Variants in MPP7 observed in about 807,000 individuals in gnomAD.
The protein encoded by MPP7 is MAGUK p55 subfamily member 7.
A neutral mutation model predicts 76.5 loss-of-function variants in MPP7; 60 were observed. The observed-to-expected ratio is 0.78, with a 90% confidence interval of 0.64 to 0.97. MPP7 has a LOEUF of 0.97. Among genes scored for constraint, MPP7 ranks in the 50% least tolerant of loss-of-function variants. The probability of loss-of-function intolerance (pLI) is 0.00; values close to 1 mark genes in which losing one functional copy is unlikely to be tolerated. For synonymous variants in MPP7, 237 were observed against 244.5 expected, an observed-to-expected ratio of 0.97 and a Z score of 0.29; for missense variants, 641 against 694.0, an observed-to-expected ratio of 0.92 and a Z score of 0.86.
intron 1 of MPP7, among the ~76,000 whole-genome samples, chr10:28,287,288 T>C (rs1305908415): frequency 1.3e-5 from 2 of 152,174 alleles, no homozygotes; most frequent in Non-Finnish European, 2.9e-5. Context: ...AAGACGGTAT[T>C]GTGTCCTTAA....
intron 2 of MPP7, among the ~76,000 whole-genome samples, chr10:28,208,616 A>C (rs1448284494): frequency 6.6e-6 from 1 of 152,156 alleles, no homozygotes; most frequent in African/African-American, 2.4e-5. Flanking sequence ...ACACAAGAAT[A>C]AGGAAGAGAT....
chr10:28,294,092 G>A (rs990991523), intron 1 of MPP7, among the ~76,000 whole-genome samples: 37 of 152,328 alleles, frequency 2.4e-4, no homozygotes, highest in Admixed American at 2.6e-4. Flanking sequence ...CGGATCATGA[G>A]ATCAGGAGAT....
chr10:28,147,864 C>G (rs924789886), intron 4 of MPP7, among the ~76,000 whole-genome samples: 2 of 152,144 alleles, frequency 1.3e-5, no homozygotes, highest in African/African-American at 4.8e-5. Flanking sequence ...GTCTTTTGCA[C>G]CTAGACAAAG....
rs200842706 is a variant in MPP7 at position 28,069,637 on chromosome 10, GC to G, written c.1204+134del. The G allele has an allele frequency of 9.9e-3, 4,918 of 494,512 alleles. 355 individuals carry two copies. In the East Asian group the frequency reaches 0.14, roughly 14 times the overall value. The allele number at this position is 494,512 out of a possible 1,614,324, so 30.6% of individuals were successfully genotyped here. ...AAACAAACAAAAAAAAAACTCACAT[GC>G]CCCATAAATACATATACCTACCATG... is the stretch of plus-strand genomic sequence containing the variant. On this transcript the variant is annotated intron_variant, in intron 13 of 16. Transcript: ENST00000683449.
intron 3 of MPP7, among the ~76,000 whole-genome samples, chr10:28,189,507 G>A (rs546263324): frequency 1.4e-5 from 2 of 145,514 alleles, no homozygotes; most frequent in South Asian, 4.3e-4. Context: ...GGAAATCAGG[G>A]CTGCAATGAG....
intron 2 of MPP7, among the ~76,000 whole-genome samples, chr10:28,205,876 G>T (rs992713412): frequency 7.2e-5 from 11 of 152,206 alleles, no homozygotes; most frequent in African/African-American, 2.2e-4. Context: ...GTGGAGGCCA[G>T]TGAGAGGTTA....
intron 1 of MPP7, among the ~76,000 whole-genome samples, chr10:28,293,423 C>T (rs1350070300): frequency 1.3e-5 from 2 of 152,176 alleles, no homozygotes; most frequent in Non-Finnish European, 2.9e-5. Context: ...GAAAATGCCA[C>T]ATGCCAGCAA....
intron 1 of MPP7, among the ~76,000 whole-genome samples, chr10:28,239,951 G>C (rs1839211077): frequency 6.6e-6 from 1 of 152,048 alleles, no homozygotes; most frequent in South Asian, 2.1e-4. Flanking sequence ...ATGGTTGTTA[G>C]GGTTTTTTTT....
At chr10:28,308,094 G>A (rs1841269287) in intron 2 of MPP7, among the ~76,000 whole-genome samples, 1 of 152,162 alleles carries the variant, frequency 6.6e-6, no homozygotes, top group South Asian at 2.1e-4. Flanking sequence ...CTGTTGCAGG[G>A]GAAGAAGGGA....
chr10:28,327,594 A>G (rs2133189947), intron 2 of MPP7, among the ~76,000 whole-genome samples: 1 of 152,286 alleles, frequency 6.6e-6, no homozygotes, highest in East Asian at 1.9e-4. Flanking sequence ...TTATTTATTT[A>G]TTTTACAGAA....
chr10:28,296,666 A>C (rs953925875), intron 1 of MPP7, among the ~76,000 whole-genome samples: 2 of 152,248 alleles, frequency 1.3e-5, no homozygotes, highest in Admixed American at 1.3e-4. Context: ...AAATTCACAG[A>C]GAAAAGAATG....
At chr10:28,131,518 C>A in intron 6 of MPP7, 42 bp downstream of exon 6, 2 of 1,497,624 alleles carry the variant, frequency 1.3e-6, no homozygotes, top group South Asian at 1.2e-5. Context: ...TCAGATTTGG[C>A]CCTATCATGG....
chr10:28,070,346 C>A (rs980843730), intron 12 of MPP7, among the ~76,000 whole-genome samples: 1 of 152,134 alleles, frequency 6.6e-6, no homozygotes, highest in Non-Finnish European at 1.5e-5. Context: ...TTGCAGTGAG[C>A]CGAGATCGCG....
Position 28,098,402 on chromosome 10 carries a change from T to C in MPP7, c.953-8561A>G, listed in dbSNP as rs531345442. On this transcript the variant is annotated intron_variant, in intron 11 of 16. Transcript: ENST00000683449. ...ATAAAGACTGTTATGGATACAGAAA[T>C]ATAGAAGAAAATATGTTTTTTAAAA... is the stretch of plus-strand genomic sequence containing the variant. Among the ~76,000 whole-genome samples the C allele has an allele frequency of 3.3e-5, 5 of 151,844 alleles. No homozygotes were observed. In the South Asian group the frequency reaches 1.0e-3, roughly 31 times the overall value.
In MPP7 at chr10:28,125,023, A is replaced by AGCT; in HGVS notation, c.513_515dup (p.Ala173dup). 6.2e-7 allele frequency: 1 copy of AGCT among 1,613,984 alleles called. No homozygotes were observed. Among genetic ancestry groups the AGCT allele is most frequent in the Non-Finnish European group, 8.5e-7 (1 of 1,179,888 alleles). On this transcript the variant is annotated inframe_insertion, in exon 7 of 17. Coordinates refer to ENST00000683449, the MANE Select transcript of MPP7 (RefSeq NM_001318170.2). ...TTAAAGTCTCACCACTTCTATCTGC[A>AGCT]GCTCCTCCTCTCATGATTCTGGCCA...
chr10:28,234,128 TG>T (rs946726323), intron 2 of MPP7, among the ~76,000 whole-genome samples: 4 of 152,118 alleles, frequency 2.6e-5, no homozygotes, highest in Non-Finnish European at 4.4e-5. Flanking sequence ...CTTCTAGGAC[TG>T]GGGCAGGAAA....
rs1564773355 is a variant in MPP7 at position 28,325,996 on chromosome 10, ATTC to A, written c.-132+3930_-132+3932del. On this transcript the variant is annotated intron_variant, in intron 2 of 11. Coordinates refer to the MPP7 transcript ENST00000441595. ...ATCTCAAAAAAAAAAAAAAAAAAAA[ATTC>A]CTTAAAGAGAAAAATCTGGCCTGCA... Among the ~76,000 whole-genome samples, 142 of 146,326 alleles carry A rather than the reference ATTC, an allele frequency of 9.7e-4. 1 individual carries two copies. The highest frequency in any genetic ancestry group is 2.6e-3 in the African/African-American group (101 of 39,392).
At chr10:28,148,735 C>G (rs1835787599) in intron 4 of MPP7, among the ~76,000 whole-genome samples, 1 of 152,064 alleles carries the variant, frequency 6.6e-6, no homozygotes, top group Admixed American at 6.5e-5. Flanking sequence ...ACTGCTCTGA[C>G]AAATTATAAG....
intron 8 of MPP7, among the ~76,000 whole-genome samples, chr10:28,122,896 T>A (rs1834888881): frequency 6.6e-6 from 1 of 152,174 alleles, no homozygotes; most frequent in Non-Finnish European, 1.5e-5. Context: ...GACTTTCATA[T>A]CAAGGTTAAA....
Sources: gnomAD v4.1 joint callset for allele counts (sites outside exome capture counted in the v4.1 genomes callset) on GRCh38, gnomAD v4.1.1 for gene constraint, MANE v1.5 for transcripts, NCBI Gene and HGNC (gene_info 2026-07-23, HGNC 2026-07-21) for gene names.